FAM193B: variants seen among roughly 807,000 people sequenced by gnomAD.
The protein encoded by FAM193B is family with sequence similarity 193 member B.
Under a neutral mutation model 70.7 loss-of-function variants are expected in FAM193B, and 27 were observed. That is an observed-to-expected ratio of 0.38 (90% CI 0.28 to 0.53). The LOEUF (loss-of-function observed/expected upper bound fraction) is 0.53. FAM193B is among the 20% of genes least tolerant of loss of function. FAM193B has a pLI of 0.81. For missense variants in FAM193B, 1,022 were observed against 1,072.5 expected (o/e 0.95, Z 0.66); for synonymous variants, 448 against 436.0 (o/e 1.03, Z -0.34).
chr5:177,531,406 G>T, intron 5 of FAM193B: 1 of 1,320,732 alleles, frequency 7.6e-7, no homozygotes, highest in African/African-American at 1.7e-5. Flanking sequence ...GGGCTCCCCA[G>T]GGATCCCGCC....
intron 1 of FAM193B, among the ~76,000 whole-genome samples, chr5:177,551,268 TA>T (rs1462390119): frequency 4.9e-4 from 2 of 4,116 alleles, no homozygotes; most frequent in Non-Finnish European, 3.1e-3. Context: ...AGTTGTTCTT[TA>T]TTTTTTTTTT....
chr5:177,545,156 G>C (rs1005068779), intron 1 of FAM193B, among the ~76,000 whole-genome samples: 20 of 152,098 alleles, frequency 1.3e-4, no homozygotes, highest in African/African-American at 4.3e-4. Flanking sequence ...CGGTTCTCCT[G>C]CCTCAGCCTC....
rs1320079822 is a variant in FAM193B, at chr5:177,554,080, T to C, written c.210+169A>G. 12 of 1,378,310 alleles carry C rather than the reference T, an allele frequency of 8.7e-6. 1 individual carries two copies. Among genetic ancestry groups the C allele is most frequent in the Non-Finnish European group, 6.6e-6 (7 of 1,060,882 alleles). The allele number at this position is 1,378,310 out of a possible 1,614,324, so 85.4% of individuals were successfully genotyped here. On this transcript the variant is annotated intron_variant, in intron 1 of 8. Transcript: ENST00000514747. ...CGAGCCTCGGCTTTGGGGAGAGGGG[T>C]CCAGCCTCCATTCCCGCCCCGGGGG...
rs1766820867 is a variant in FAM193B, at chr5:177,554,526, C to CGCT, written c.-69_-68insAGC. On this transcript the variant is annotated 5_prime_UTR_variant, in exon 1 of 9. Transcript: ENST00000514747. ...CCGCCGCCGCCGCCGCCGCCGCCGCCGCCGCTACCGCTCCCCTCACAGGAC... is the reference window on the plus strand; with the variant it reads ...CCGCCGCCGCCGCCGCCGCCGCCGCCGCTGCCGCTACCGCTCCCCTCACAGGAC... 7.7e-6 allele frequency: 7 copies of CGCT among 906,266 alleles called. No homozygotes were observed. Among genetic ancestry groups the CGCT allele is most frequent in the Non-Finnish European group, 9.3e-6 (7 of 754,680 alleles). The allele number at this position is 906,266 out of a possible 1,614,324, so 56.1% of individuals were successfully genotyped here. A position where few individuals can be genotyped will look rare whatever the true frequency, so the allele number is the denominator to read the frequency against.
intron 1 of FAM193B, among the ~76,000 whole-genome samples, chr5:177,541,989 T>C (rs163009): frequency 0.84 from 127,189 of 152,210 alleles, 55,044 homozygotes; most frequent in Non-Finnish European, 0.94. Context: ...ACTTGTTCAG[T>C]ATAGACACAA....
chr5:177,531,529 T>TGGGGGGGGG, intron 5 of FAM193B: 2 of 488,034 alleles, frequency 4.1e-6, no homozygotes, highest in Non-Finnish European at 6.6e-6. Context: ...TGGCTGGGGG[T>TGGGGGGGGG]GGGGGGGAGG....
In FAM193B at chr5:177,527,868, G is replaced by A. The variant is rs1183407534; in HGVS notation, c.1276-2663C>T. On this transcript the variant is annotated intron_variant, in intron 5 of 8. Coordinates refer to ENST00000514747, the MANE Select transcript of FAM193B (RefSeq NM_001190946.3). Reference sequence around the variant, plus strand: ...CAGAGAAGGGAAAGCAGGCCTGTTCGGAGAAAGACAACAAGCTGAACTTTG... The same window carrying A: ...CAGAGAAGGGAAAGCAGGCCTGTTCAGAGAAAGACAACAAGCTGAACTTTG... 2.6e-5 allele frequency among the ~76,000 whole-genome samples: 4 copies of A among 152,178 alleles called. No homozygotes were observed. The South Asian group carries it at 6.2e-4, about 24-fold the overall frequency.
At chr5:177,521,946 G>A (rs1222612801) in intron 8 of FAM193B, 28 bp downstream of exon 8, 1 of 1,570,782 alleles carries the variant, frequency 6.4e-7, no homozygotes, top group Non-Finnish European at 8.8e-7. Flanking sequence ...GGGAGAGGCA[G>A]TGGATGTAAC....
At chr5:177,550,827 GTAT>G (rs767904587) in intron 1 of FAM193B, among the ~76,000 whole-genome samples, 7 of 152,124 alleles carry the variant, frequency 4.6e-5, no homozygotes, top group Non-Finnish European at 4.4e-5. Context: ...CTCTTGTGAA[GTAT>G]TATTATTATT....
At chr5:177,539,305 C>G in intron 1 of FAM193B, 158 bp from the exon 2 acceptor site, 1 of 851,260 alleles carries the variant, frequency 1.2e-6, no homozygotes, top group Non-Finnish European at 1.7e-6. Context: ...GCTCTGCAAA[C>G]GAGGTGTTCT....
rs1764420046 is a variant in FAM193B at position 177,538,260 on chromosome 5, A to G, written c.454-153T>C. Among the ~76,000 whole-genome samples, 2 of 152,194 alleles carry G rather than the reference A, an allele frequency of 1.3e-5. No homozygotes were observed. Among genetic ancestry groups the G allele is most frequent in the Admixed American group, 1.3e-4 (2 of 15,286 alleles). ...AATACAACTCCAGCTATAAGAACAA[A>G]TGAGGGCCAGGCCTTTGCTGGGAAA... On this transcript the variant is annotated intron_variant, in intron 2 of 8. Transcript: ENST00000514747. This position sits in a 1 kb window ranked among gnomAD's most constrained non-coding sequence, Gnocchi z 4.1.
chr5:177,527,098 T>C (rs335444), intron 5 of FAM193B, among the ~76,000 whole-genome samples: 116 of 151,508 alleles, frequency 7.7e-4, no homozygotes, highest in African/African-American at 2.7e-3. Flanking sequence ...GAGCACAGAA[T>C]GGGGAGTGGA....
intron 1 of FAM193B, among the ~76,000 whole-genome samples, chr5:177,551,122 A>G (rs978458577): frequency 1.3e-5 from 2 of 152,142 alleles, no homozygotes; most frequent in Non-Finnish European, 2.9e-5. Context: ...GGCGTGAGCC[A>G]CCAAGGCCTC....
Position 177,532,153 on chromosome 5 carries a change from T to C in FAM193B, c.1275+290A>G, listed in dbSNP as rs751692555. ...TTCTCTGGGATTACACACGTATACA[T>C]ACTCATCAGAATCATAGCTTTCTCT... On this transcript the variant is annotated intron_variant, in intron 5 of 8. Transcript: ENST00000514747. This position sits in a 1 kb window ranked among gnomAD's most constrained non-coding sequence, Gnocchi z 4.9. 4 of 1,417,924 alleles carry C rather than the reference T, an allele frequency of 2.8e-6. No homozygotes were observed. The highest frequency in any genetic ancestry group is 1.2e-5 in the South Asian group (1 of 82,126). The allele number at this position is 1,417,924 out of a possible 1,614,324, so 87.8% of individuals were successfully genotyped here.
chr5:177,531,735 CACTG>C (rs1488884968), intron 5 of FAM193B: 3 of 630,150 alleles, frequency 4.8e-6, no homozygotes, highest in Non-Finnish European at 6.9e-6. Context: ...GCTGGGCAAA[CACTG>C]ACTGGGGAGC....
intron 1 of FAM193B, among the ~76,000 whole-genome samples, chr5:177,546,822 A>G (rs1765485375): frequency 6.6e-6 from 1 of 152,152 alleles, no homozygotes; most frequent in African/African-American, 2.4e-5. Flanking sequence ...CCTTAACCCT[A>G]AAACTTTCTG....
chr5:177,553,853 A>C (rs988890799), intron 1 of FAM193B: 1 of 1,272,132 alleles, frequency 7.9e-7, no homozygotes. Context: ...AAGAGGCTGC[A>C]GTCGTCCAGT....
At chr5:177,530,820 GGAGTCTGTACTCACAGT>G (rs1763335000) in intron 5 of FAM193B, among the ~76,000 whole-genome samples, 2 of 152,154 alleles carry the variant, frequency 1.3e-5, no homozygotes, top group Non-Finnish European at 2.9e-5. Context: ...GCCCTCCTGA[GGAGTCTGTACTCACAGT>G]CAGCCTCTTG....
chr5:177,531,376 A>G (rs1763417962), intron 5 of FAM193B: 1 of 1,357,022 alleles, frequency 7.4e-7, no homozygotes, highest in Non-Finnish European at 9.8e-7. Flanking sequence ...CAGCTCATCC[A>G]CATCTCGGTG....
Sources: gnomAD v4.1 joint callset for allele counts (sites outside exome capture counted in the v4.1 genomes callset) on GRCh38, gnomAD v4.1.1 for gene constraint, Gnocchi (gnomAD v3.1) non-coding constraint, MANE v1.5 for transcripts, NCBI Gene and HGNC (gene_info 2026-07-23, HGNC 2026-07-21) for gene names.